The following SORCS2 variants were observed in gnomAD, a reference collection of about 807,000 sequenced individuals.
SORCS2 encodes the protein VPS10 domain-containing receptor SorCS2.
In SORCS2, 100 loss-of-function variants were observed where a neutral mutation model predicts 141.6. The ratio of observed to expected loss-of-function variants is 0.71; its 90% confidence interval spans 0.60 to 0.83. The LOEUF (loss-of-function observed/expected upper bound fraction) is 0.83. Ranked by LOEUF, SORCS2 falls within the 40% of genes least tolerant of loss-of-function variation. The pLI, the probability that SORCS2 is intolerant of heterozygous loss-of-function variation, is 0.00. For synonymous variants in SORCS2, 789 were observed against 676.9 expected (o/e 1.17, Z -2.57); for missense variants, 1,646 against 1,560.2 (o/e 1.05, Z -0.93).
chr4:7,738,815 C>T (rs993213552), intron 26 of SORCS2, among the ~76,000 whole-genome samples: 1 of 152,314 alleles, frequency 6.6e-6, no homozygotes, highest in Middle Eastern at 3.4e-3. Flanking sequence ...TTCACACTGT[C>T]TTGAGAGGGG....
At chr4:7,491,729 C>T (rs1731326514) in intron 2 of SORCS2, among the ~76,000 whole-genome samples, 1 of 152,194 alleles carries the variant, frequency 6.6e-6, no homozygotes, top group African/African-American at 2.4e-5. Context: ...CCCCTCTGCA[C>T]AGCAGCCCAC....
chr4:7,358,296 G>T (rs1049933723), intron 1 of SORCS2, among the ~76,000 whole-genome samples: 1 of 152,216 alleles, frequency 6.6e-6, no homozygotes, highest in Admixed American at 6.5e-5. Flanking sequence ...CATGATCACC[G>T]ATTCTAACAG....
chr4:7,556,650 G>T (rs994539142), intron 3 of SORCS2, among the ~76,000 whole-genome samples: 1 of 152,054 alleles, frequency 6.6e-6, no homozygotes, highest in African/African-American at 2.4e-5. Context: ...GTACCCATCT[G>T]CCCATCCATC....
intron 2 of SORCS2, among the ~76,000 whole-genome samples, chr4:7,402,464 G>A (rs1036498427): frequency 2.6e-5 from 4 of 152,300 alleles, no homozygotes; most frequent in Admixed American, 2.6e-4. Flanking sequence ...TTTGCCTTTT[G>A]AAGTTTGCTT....
At chr4:7,301,908 T>C (rs1717459682) in intron 1 of SORCS2, among the ~76,000 whole-genome samples, 1 of 152,208 alleles carries the variant, frequency 6.6e-6, no homozygotes, top group South Asian at 2.1e-4. Flanking sequence ...AACACATCAG[T>C]GCCATGGCGC....
chr4:7,731,327 C>T (rs889076384), intron 23 of SORCS2, among the ~76,000 whole-genome samples: 1 of 152,028 alleles, frequency 6.6e-6, no homozygotes, highest in Non-Finnish European at 1.5e-5. Flanking sequence ...AGACACAAAT[C>T]GACGGAAAGA....
At chr4:7,731,505 C>T (rs1330144014) in intron 23 of SORCS2, among the ~76,000 whole-genome samples, 1 of 152,004 alleles carries the variant, frequency 6.6e-6, no homozygotes, top group Non-Finnish European at 1.5e-5. Context: ...CCTGAAATAG[C>T]CAAAGCCATT....
intron 2 of SORCS2, among the ~76,000 whole-genome samples, chr4:7,436,366 C>T (rs1009950747): frequency 1.3e-5 from 2 of 152,210 alleles, no homozygotes; most frequent in African/African-American, 2.4e-5. Flanking sequence ...GGCACCCACT[C>T]GCATCCCACC....
chr4:7,236,328 C>T (rs1271206351), intron 1 of SORCS2, among the ~76,000 whole-genome samples: 1 of 152,158 alleles, frequency 6.6e-6, no homozygotes, highest in Non-Finnish European at 1.5e-5. Flanking sequence ...GAGGCCTGAG[C>T]ATTCCAGGCA....
In SORCS2 at chr4:7,741,911, C is replaced by T. The variant is rs1693013364; in HGVS notation, c.*1647C>T. The T allele has an allele frequency of 2.6e-5, 4 of 152,264 alleles. No individual in the cohort carries two copies. Among genetic ancestry groups the T allele is most frequent in the Admixed American group, 2.0e-4 (3 of 15,286 alleles). 9.4% of individuals were successfully genotyped at this position (152,264 alleles called of 1,614,324 possible). ...GTGCCCGGTGGGGAGGAGGCACCCG[C>T]TCCTTGTTGAGTAAAACCACCCATG... On this transcript the variant is annotated 3_prime_UTR_variant, in exon 27 of 27. Coordinates refer to ENST00000507866, the MANE Select transcript of SORCS2 (RefSeq NM_020777.3).
At chr4:7,535,427 G>T (rs6854459) in intron 3 of SORCS2, among the ~76,000 whole-genome samples, 1 of 152,120 alleles carries the variant, frequency 6.6e-6, no homozygotes. Flanking sequence ...ATAGGGGCCT[G>T]TTCCTGGGTC....
intron 1 of SORCS2, among the ~76,000 whole-genome samples, chr4:7,281,645 A>G (rs914696645): frequency 5.3e-5 from 8 of 152,082 alleles, no homozygotes; most frequent in Non-Finnish European, 7.4e-5. Flanking sequence ...GCGAGCCTCC[A>G]TTGGGCCGTT....
chr4:7,307,166 G>C (rs867762233), intron 1 of SORCS2, among the ~76,000 whole-genome samples: 1 of 152,154 alleles, frequency 6.6e-6, no homozygotes, highest in Non-Finnish European at 1.5e-5. Flanking sequence ...CAGCCTCATC[G>C]GCCCTCACAT....
At chr4:7,281,927 A>G (rs1715912391) in intron 1 of SORCS2, among the ~76,000 whole-genome samples, 1 of 151,634 alleles carries the variant, frequency 6.6e-6, no homozygotes, top group African/African-American at 2.4e-5. Flanking sequence ...GCCATCTTGC[A>G]CTCCCAGCTG....
intron 3 of SORCS2, among the ~76,000 whole-genome samples, chr4:7,602,759 C>T (rs1717811000): frequency 1.3e-5 from 2 of 152,136 alleles, no homozygotes; most frequent in Admixed American, 6.5e-5. Context: ...GACGGGGTGG[C>T]GGCCGGGCAG....
At chr4:7,695,646 G>T (rs1300333006) in intron 11 of SORCS2, among the ~76,000 whole-genome samples, 1 of 14,688 alleles carries the variant, frequency 6.8e-5, no homozygotes, top group Non-Finnish European at 1.5e-4. Flanking sequence ...GTGGATGGAT[G>T]GATGGATGGA....
chr4:7,737,947 T>C (rs180692676), intron 26 of SORCS2, among the ~76,000 whole-genome samples: 46 of 152,332 alleles, frequency 3.0e-4, no homozygotes, highest in African/African-American at 1.0e-3. Context: ...CTGCACATGG[T>C]CTCGCTGTGT....
At chr4:7,220,337 G>A (rs4689086) in intron 1 of SORCS2, among the ~76,000 whole-genome samples, 39,220 of 151,910 alleles carry the variant, frequency 0.26, 5,431 homozygotes, top group East Asian at 0.45. Context: ...AGCTCCTGCC[G>A]CTGAGTGTGC....
chr4:7,359,458 G>C (rs561685612), intron 1 of SORCS2, among the ~76,000 whole-genome samples: 68 of 152,310 alleles, frequency 4.5e-4, no homozygotes, highest in African/African-American at 1.5e-3. Context: ...TCAGGAAAAG[G>C]CATTCAGGAA....
Sources: gnomAD v4.1 joint callset for allele counts (sites outside exome capture counted in the v4.1 genomes callset) on GRCh38, gnomAD v4.1.1 for gene constraint, MANE v1.5 for transcripts, NCBI Gene and HGNC (gene_info 2026-07-23, HGNC 2026-07-21) for gene names.